AFF2: variants seen among roughly 807,000 people sequenced by gnomAD.
AFF2 encodes ALF transcription elongation factor 2.
AFF2 carries 14 observed loss-of-function variants against 76.9 expected under a neutral mutation model. That is an observed-to-expected ratio of 0.18 (90% CI 0.12 to 0.28). The LOEUF is 0.28. Among genes scored for constraint, AFF2 ranks in the 10% least tolerant of loss-of-function variants. The probability of loss-of-function intolerance (pLI) is 1.00; values close to 1 mark genes in which losing one functional copy is unlikely to be tolerated. For synonymous variants in AFF2, 398 were observed against 366.7 expected (o/e 1.09, Z -0.98); for missense variants, 868 against 1,001.1 (o/e 0.87, Z 1.79).
At chrX:148,839,505 G>A (rs2070570380) in intron 5 of AFF2, among the ~76,000 whole-genome samples, 1 of 111,892 alleles carries the variant, frequency 8.9e-6, no homozygotes, top group Non-Finnish European at 1.9e-5. Flanking sequence ...GTTAAGTAAT[G>A]TGCTCAGGAT....
intron 6 of AFF2, 75 bp from the exon 7 acceptor site, chrX:148,843,307 G>A: frequency 1.1e-6 from 1 of 918,472 alleles, no homozygotes; most frequent in Non-Finnish European, 1.5e-6. Flanking sequence ...TGCATGTTTG[G>A]AGATCAATTT....
chrX:148,961,422 A>C (rs2072107013), intron 12 of AFF2, among the ~76,000 whole-genome samples: 1 of 112,727 alleles, frequency 8.9e-6, no homozygotes, highest in African/African-American at 3.2e-5. Context: ...TACATGTCAA[A>C]GCAATTTTTC....
intron 3 of AFF2, among the ~76,000 whole-genome samples, chrX:148,773,685 GGAAA>G (rs1205912443): frequency 0.1 from 5,374 of 51,235 alleles, 231 homozygotes; most frequent in Middle Eastern, 0.12. Context: ...AAGGAAGGAA[GGAAA>G]GAAAGAAAGA....
At chrX:148,802,472 G>T (rs1411972090) in intron 3 of AFF2, among the ~76,000 whole-genome samples, 2 of 112,037 alleles carry the variant, frequency 1.8e-5, no homozygotes, top group East Asian at 5.6e-4. Flanking sequence ...ATTTTGTTTT[G>T]TAATGCCCTT....
intron 7 of AFF2, among the ~76,000 whole-genome samples, chrX:148,869,829 A>G (rs1400132107): frequency 2.7e-5 from 3 of 111,518 alleles, no homozygotes; most frequent in Non-Finnish European, 5.7e-5. Context: ...GCTTGTAGAC[A>G]TCTGTCTTCT....
At chrX:148,833,497 G>A (rs2070480411) in intron 4 of AFF2, among the ~76,000 whole-genome samples, 1 of 110,131 alleles carries the variant, frequency 9.1e-6, no homozygotes, top group South Asian at 3.9e-4. Context: ...AGCTACTTGG[G>A]AGGCTGAGGC....
Position 148,865,175 on chromosome X carries a change from A to G in AFF2, c.1263-20714A>G, listed in dbSNP as rs182513680. Among the ~76,000 whole-genome samples, 6 of 112,407 alleles carry G rather than the reference A, an allele frequency of 5.3e-5. No individual in the cohort carries two copies. In the East Asian group the frequency reaches 1.7e-3, roughly 32 times the overall value. On this transcript the variant is annotated intron_variant, in intron 7 of 20. Coordinates refer to ENST00000370460, the MANE Select transcript of AFF2 (RefSeq NM_002025.4). ...AAATTTGATAGCCCTCTAAAGATCA[A>G]TGAGTGTGTTTGTTTACTTTGAAGT...
intron 1 of AFF2, among the ~76,000 whole-genome samples, chrX:148,515,123 G>A (rs1000836974): frequency 3.6e-4 from 40 of 111,865 alleles, no homozygotes; most frequent in Non-Finnish European, 6.6e-4. Context: ...TTTACCTTCC[G>A]TAAGTTTACT....
intron 1 of AFF2, among the ~76,000 whole-genome samples, chrX:148,570,172 C>T (rs1365524313): frequency 8.9e-6 from 1 of 111,906 alleles, no homozygotes; most frequent in Non-Finnish European, 1.9e-5. Context: ...TACTTTGAAC[C>T]GTACAAGCTA....
At chrX:148,531,429 A>G (rs1315804732) in intron 1 of AFF2, among the ~76,000 whole-genome samples, 2 of 112,435 alleles carry the variant, frequency 1.8e-5, no homozygotes, top group East Asian at 5.5e-4. Context: ...ACGAGATTTC[A>G]TCTTCAGGAA....
chrX:148,649,032 T>G (rs2054175539), intron 1 of AFF2, among the ~76,000 whole-genome samples: 1 of 111,525 alleles, frequency 9.0e-6, no homozygotes, highest in African/African-American at 3.3e-5. Flanking sequence ...TAATTCAGGT[T>G]TTTGGCTTGA....
At chrX:148,803,079 C>T (rs1042331839) in intron 3 of AFF2, among the ~76,000 whole-genome samples, 2 of 111,198 alleles carry the variant, frequency 1.8e-5, no homozygotes, top group African/African-American at 3.3e-5. Context: ...GGTTGCAGTA[C>T]TAGGACTTTG....
intron 1 of AFF2, among the ~76,000 whole-genome samples, chrX:148,603,875 C>A (rs1189120336): frequency 9.1e-6 from 1 of 109,380 alleles, no homozygotes; most frequent in Non-Finnish European, 1.9e-5. Flanking sequence ...TTCTATATTT[C>A]TTCAATGTCT....
chrX:148,513,747 AT>A (rs1252482045), intron 1 of AFF2, among the ~76,000 whole-genome samples: 2 of 111,271 alleles, frequency 1.8e-5, no homozygotes, highest in African/African-American at 3.3e-5. Context: ...AATTTATGAG[AT>A]TTGAGGGTGG....
intron 3 of AFF2, among the ~76,000 whole-genome samples, chrX:148,759,180 G>A (rs781798200): frequency 2.7e-5 from 3 of 112,143 alleles, no homozygotes; most frequent in African/African-American, 6.5e-5. Context: ...GCTTTGTGTC[G>A]CCTAGACATA....
chrX:148,908,926 T>C (rs2071439373), intron 9 of AFF2, among the ~76,000 whole-genome samples: 1 of 112,362 alleles, frequency 8.9e-6, no homozygotes, highest in African/African-American at 3.2e-5. Context: ...AGTTGAGTAG[T>C]TGTGACATAA....
intron 3 of AFF2, among the ~76,000 whole-genome samples, chrX:148,766,340 A>G (rs1221619693): frequency 6.4e-5 from 7 of 109,946 alleles, no homozygotes; most frequent in Admixed American, 1.9e-4. Flanking sequence ...AAGTGTTCCT[A>G]TTTCTCCACA....
chrX:148,592,364 AG>A (rs782346410), intron 1 of AFF2, among the ~76,000 whole-genome samples: 24 of 110,609 alleles, frequency 2.2e-4, no homozygotes, highest in African/African-American at 7.9e-4. Flanking sequence ...TGGCCATTTT[AG>A]TCATTTTCCC....
intron 1 of AFF2, among the ~76,000 whole-genome samples, chrX:148,614,738 TTTTC>T (rs563984440): frequency 0.12 from 6,550 of 54,858 alleles, 592 homozygotes; most frequent in East Asian, 0.23. Context: ...TCTTTCCTTC[TTTTC>T]TTTCTTTCTT....
Sources: allele counts gnomAD v4.1 joint callset (sites outside exome capture counted in the v4.1 genomes callset), GRCh38; gene constraint gnomAD v4.1.1; transcripts MANE v1.5; gene names NCBI Gene and HGNC (gene_info 2026-07-23, HGNC 2026-07-21).